SNRPB2: variants seen among roughly 807,000 people sequenced by gnomAD.
SNRPB2 encodes the protein U2 small nuclear ribonucleoprotein B''.
SNRPB2 carries 16 observed loss-of-function variants against 26.3 expected under a neutral mutation model. The observed-to-expected ratio is 0.61, with a 90% CI of 0.41 to 0.92. The LOEUF is 0.92. Among genes scored for constraint, SNRPB2 ranks in the 40% least tolerant of loss-of-function variants. The pLI is 0.00. For missense variants in SNRPB2, 179 were observed against 268.1 expected, an observed-to-expected ratio of 0.67 and a Z score of 2.32; for synonymous variants, 75 against 89.0, an observed-to-expected ratio of 0.84 and a Z score of 0.88.
intron 5 of SNRPB2, 142 bp from the exon 6 acceptor site, chr20:16,740,183 C>T: frequency 1.4e-6 from 2 of 1,428,028 alleles, no homozygotes; most frequent in Non-Finnish European, 1.9e-6. Context: ...GTCTGCCTTG[C>T]TTAGTTACTG....
At chr20:16,739,523 T>C (rs902405027) in intron 5 of SNRPB2, among the ~76,000 whole-genome samples, 5 of 152,192 alleles carry the variant, frequency 3.3e-5, no homozygotes, top group African/African-American at 1.2e-4. Flanking sequence ...TCCATAGAAT[T>C]CTCTGTACCA....
In SNRPB2 at chr20:16,731,774, C is replaced by G; in HGVS notation, c.64+8C>G. On this transcript the variant is annotated splice_region_variant and intron_variant, in intron 2 of 6. Coordinates refer to ENST00000246071, the MANE Select transcript of SNRPB2 (RefSeq NM_003092.5). ...ACAAAATTAAAAAGGAAGGTAAGTG[C>G]TTTTTAGAATACTTGTTCACTACTA... 1 of 1,612,068 alleles carries G rather than the reference C, an allele frequency of 6.2e-7. No individual in the cohort carries two copies. Among genetic ancestry groups the G allele is most frequent in the Middle Eastern group, 1.7e-4 (1 of 6,048 alleles).
At chr20:16,737,080 A>T (rs1176633042) in intron 3 of SNRPB2, among the ~76,000 whole-genome samples, 181 bp from the exon 4 acceptor site, 1 of 152,196 alleles carries the variant, frequency 6.6e-6, no homozygotes, top group African/African-American at 2.4e-5. Flanking sequence ...CTTTGTCTAA[A>T]TTATGAATTA....
chr20:16,730,434 G>C (rs542439864), intron 1 of SNRPB2: 1 of 152,452 alleles, frequency 6.6e-6, no homozygotes, highest in South Asian at 2.1e-4. Context: ...GTAATTCAGG[G>C]TGTCCCTGTA....
In SNRPB2 at chr20:16,742,416, GA is replaced by G. The variant is rs1336160201; in HGVS notation, c.*1413del. The G allele has an allele frequency of 1.3e-5, 2 of 152,154 alleles. No individual in the cohort carries two copies. The highest frequency in any genetic ancestry group is 4.8e-5 in the African/African-American group (2 of 41,420). 9.4% of individuals were successfully genotyped at this position (152,154 alleles called of 1,614,324 possible). A position where few individuals can be genotyped will look rare whatever the true frequency, so the allele number is the denominator to read the frequency against. On this transcript the variant is annotated 3_prime_UTR_variant, in exon 7 of 7. Coordinates refer to ENST00000246071, the MANE Select transcript of SNRPB2 (RefSeq NM_003092.5). ...AGCCAGGGTGGCTCACCTGGGGTGA[GA>G]ATGAGGGGGGTGAATAGTAAGAGGG... is the stretch of plus-strand genomic sequence containing the variant.
At chr20:16,731,502 C>T (rs2072390549) in intron 1 of SNRPB2, among the ~76,000 whole-genome samples, 166 bp from the exon 2 acceptor site, 1 of 152,144 alleles carries the variant, frequency 6.6e-6, no homozygotes, top group Non-Finnish European at 1.5e-5. Context: ...TGTTCTTCTT[C>T]TGTATGAAAA....
intron 5 of SNRPB2, among the ~76,000 whole-genome samples, 189 bp from the exon 6 acceptor site, chr20:16,740,136 T>C (rs766640724): frequency 6.6e-6 from 1 of 152,194 alleles, no homozygotes; most frequent in Non-Finnish European, 1.5e-5. Context: ...CTTAAGAGAT[T>C]TGTAATTTTC....
intron 1 of SNRPB2, chr20:16,730,426 A>C (rs1198431280): frequency 6.6e-6 from 1 of 152,238 alleles, no homozygotes; most frequent in Non-Finnish European, 1.5e-5. Flanking sequence ...GGTGGCGGGT[A>C]ATTCAGGGTG....
At chr20:16,740,521 C>A in intron 6 of SNRPB2, 108 bp downstream of exon 6, 1 of 1,495,576 alleles carries the variant, frequency 6.7e-7, no homozygotes, top group Non-Finnish European at 8.9e-7. Flanking sequence ...CTTACAGGTT[C>A]ATTGATTTGG....
intron 3 of SNRPB2, among the ~76,000 whole-genome samples, chr20:16,734,757 C>T (rs954577134): frequency 6.6e-6 from 1 of 152,180 alleles, no homozygotes; most frequent in Non-Finnish European, 1.5e-5. Context: ...TGTGCTCTGA[C>T]AGACAAAATC....
chr20:16,741,202 T>G lies in SNRPB2; in HGVS notation c.*197T>G, dbSNP rs1405736258. ...AGGCCTTAATTTTGTACAATAAACT[T>G]TTATTTGTATTCTGTGTATATAATG... On this transcript the variant is annotated 3_prime_UTR_variant, in exon 7 of 7. Transcript: ENST00000246071. 2 of 468,632 alleles carry G rather than the reference T, an allele frequency of 4.3e-6. No individual in the cohort carries two copies. The highest frequency in any genetic ancestry group is 3.9e-5 in the African/African-American group (2 of 51,166). The allele number at this position is 468,632 out of a possible 1,614,324, so 29.0% of individuals were successfully genotyped here.
At chr20:16,737,017 T>G (rs1184536622) in intron 3 of SNRPB2, among the ~76,000 whole-genome samples, 2 of 152,224 alleles carry the variant, frequency 1.3e-5, no homozygotes, top group Non-Finnish European at 2.9e-5. Flanking sequence ...AGTCCTGTGT[T>G]TCTCACATGA....
At chr20:16,732,500 T>C (rs1018502662) in intron 3 of SNRPB2, 164 bp downstream of exon 3, 1 of 479,212 alleles carries the variant, frequency 2.1e-6, no homozygotes, top group Non-Finnish European at 3.6e-6. Flanking sequence ...AGAGTTTAAT[T>C]TATGACAGTT....
intron 3 of SNRPB2, 52 bp from the exon 4 acceptor site, chr20:16,737,209 T>G (rs1568754531): frequency 4.9e-6 from 7 of 1,438,646 alleles, no homozygotes; most frequent in African/African-American, 1.4e-5. Context: ...TAATGACTAG[T>G]GTAAACATCC....
intron 5 of SNRPB2, among the ~76,000 whole-genome samples, chr20:16,739,140 A>G (rs1180660623): frequency 6.6e-6 from 1 of 151,916 alleles, no homozygotes; most frequent in Non-Finnish European, 1.5e-5. Flanking sequence ...AATCAATGAC[A>G]GAATCAAAAT....
chr20:16,732,872 A>T (rs1490108089), intron 3 of SNRPB2, among the ~76,000 whole-genome samples: 1 of 152,220 alleles, frequency 6.6e-6, no homozygotes, highest in Non-Finnish European at 1.5e-5. Context: ...AATGAGATTC[A>T]CATCTAGCTG....
chr20:16,732,074 TG>T (rs58201946), intron 2 of SNRPB2, 89 bp from the exon 3 acceptor site: 120 of 742,978 alleles, frequency 1.6e-4, no homozygotes, highest in South Asian at 8.4e-4. Flanking sequence ...AAGTGAATGG[TG>T]GGGGGGGCAA....
chr20:16,735,140 C>T (rs1158170086), intron 3 of SNRPB2, among the ~76,000 whole-genome samples: 1 of 152,148 alleles, frequency 6.6e-6, no homozygotes, highest in Non-Finnish European at 1.5e-5. Flanking sequence ...GTGTAGTCAT[C>T]TCTAGCTGAA....
chr20:16,741,185 A>C lies in SNRPB2; in HGVS notation c.*180A>C, dbSNP rs2072460305. 2 of 490,646 alleles carry C rather than the reference A, an allele frequency of 4.1e-6. No individual in the cohort carries two copies. Among genetic ancestry groups the C allele is most frequent in the Non-Finnish European group, 7.2e-6 (2 of 277,922 alleles). The allele number at this position is 490,646 out of a possible 1,614,324, so 30.4% of individuals were successfully genotyped here. ...TGAACTATGAAATACGAAGGCCTTA[A>C]TTTTGTACAATAAACTTTTATTTGT... On this transcript the variant is annotated 3_prime_UTR_variant, in exon 7 of 7. Transcript: ENST00000246071.
Sources: gnomAD v4.1 joint callset for allele counts (sites outside exome capture counted in the v4.1 genomes callset) on GRCh38, gnomAD v4.1.1 for gene constraint, MANE v1.5 for transcripts, NCBI Gene and HGNC (gene_info 2026-07-23, HGNC 2026-07-21) for gene names.